Variants in RIMS2 observed in about 807,000 individuals in gnomAD.
The protein encoded by RIMS2 is regulating synaptic membrane exocytosis protein 2.
RIMS2 carries 59 observed loss-of-function variants against 174.4 expected under a neutral mutation model. That is an observed-to-expected ratio of 0.34 (90% confidence interval 0.27 to 0.42). RIMS2 has a LOEUF of 0.42. RIMS2 is among the 10% of genes least tolerant of loss of function. The pLI is 1.00. For synonymous variants in RIMS2, 606 were observed against 572.5 expected (o/e 1.06, Z -0.84); for missense variants, 1,620 against 1,666.3 (o/e 0.97, Z 0.48).
intron 3 of RIMS2, among the ~76,000 whole-genome samples, chr8:103,808,532 T>C (rs1235198777): frequency 6.6e-6 from 1 of 152,164 alleles, no homozygotes; most frequent in Non-Finnish European, 1.5e-5. Context: ...ATTTAATTGC[T>C]TACTTCTCTG....
intron 19 of RIMS2, among the ~76,000 whole-genome samples, chr8:104,029,119 T>G (rs1179354707): frequency 6.6e-6 from 1 of 152,216 alleles, no homozygotes; most frequent in East Asian, 1.9e-4. Flanking sequence ...GAAATGGCAC[T>G]GGAGTAAGTG....
chr8:103,774,521 T>G (rs1304440455), intron 3 of RIMS2, among the ~76,000 whole-genome samples: 1 of 152,180 alleles, frequency 6.6e-6, no homozygotes, highest in East Asian at 1.9e-4. Flanking sequence ...GGGAACTATT[T>G]ACATGCACAA....
intron 19 of RIMS2, among the ~76,000 whole-genome samples, chr8:104,194,434 A>G (rs2099013560): frequency 6.6e-6 from 1 of 152,216 alleles, no homozygotes; most frequent in South Asian, 2.1e-4. Context: ...TAAAGACTGA[A>G]TGTAAAATTA....
chr8:103,737,175 C>CTTTTTTTTTTTTTT (rs554949027), intron 2 of RIMS2, among the ~76,000 whole-genome samples: 5 of 67,510 alleles, frequency 7.4e-5, no homozygotes, highest in Non-Finnish European at 7.7e-5. Flanking sequence ...TTTCTTTGTT[C>CTTTTTTTTTTTTTT]TTTTTTTTTT....
At chr8:103,700,548 C>T (rs2097155664) in intron 2 of RIMS2, among the ~76,000 whole-genome samples, 1 of 151,868 alleles carries the variant, frequency 6.6e-6, no homozygotes, top group Admixed American at 6.6e-5. Context: ...TTATAGCCAG[C>T]ATATAGTTGG....
At chr8:104,191,863 C>A (rs2098999548) in intron 19 of RIMS2, among the ~76,000 whole-genome samples, 1 of 152,036 alleles carries the variant, frequency 6.6e-6, no homozygotes, top group Non-Finnish European at 1.5e-5. Context: ...CTTCAGCCTC[C>A]CAAAGTGCTA....
At chr8:103,787,631 C>A (rs950768394) in intron 3 of RIMS2, among the ~76,000 whole-genome samples, 1 of 152,064 alleles carries the variant, frequency 6.6e-6, no homozygotes, top group African/African-American at 2.4e-5. Flanking sequence ...GGGTTTCTGC[C>A]GAGAGATCTG....
chr8:103,553,367 G>A (rs962901608), intron 1 of RIMS2, among the ~76,000 whole-genome samples: 1 of 151,946 alleles, frequency 6.6e-6, no homozygotes, highest in East Asian at 1.9e-4. Flanking sequence ...AACACTGCAT[G>A]TTCTCACTCA....
intron 17 of RIMS2, among the ~76,000 whole-genome samples, chr8:104,009,609 C>G (rs2095693534): frequency 6.6e-6 from 1 of 152,040 alleles, no homozygotes; most frequent in African/African-American, 2.4e-5. Flanking sequence ...TGCTATTGAT[C>G]AGCTTATTCT....
chr8:103,507,554 AG>A (rs1228032996), intron 1 of RIMS2, among the ~76,000 whole-genome samples: 2 of 152,140 alleles, frequency 1.3e-5, no homozygotes, highest in East Asian at 3.8e-4. Flanking sequence ...TCTTAAAAAA[AG>A]ATTTGCTTAT....
At chr8:103,507,423 G>A (rs184267786) in intron 1 of RIMS2, among the ~76,000 whole-genome samples, 1 of 152,114 alleles carries the variant, frequency 6.6e-6, no homozygotes, top group Admixed American at 6.5e-5. Flanking sequence ...AACTTCTAAT[G>A]TAATACAATG....
intron 3 of RIMS2, among the ~76,000 whole-genome samples, chr8:103,772,078 T>C (rs2098259851): frequency 6.6e-6 from 1 of 152,044 alleles, no homozygotes; most frequent in African/African-American, 2.4e-5. Flanking sequence ...CTCTGTGACA[T>C]TGATTATTTA....
chr8:103,536,025 G>A (rs1839597765), intron 1 of RIMS2, among the ~76,000 whole-genome samples: 1 of 152,188 alleles, frequency 6.6e-6, no homozygotes, highest in African/African-American at 2.4e-5. Context: ...GACACAAGTA[G>A]AGACTATAGC....
chr8:103,580,103 C>T (rs1261706725), intron 1 of RIMS2, among the ~76,000 whole-genome samples: 1 of 151,950 alleles, frequency 6.6e-6, no homozygotes. Flanking sequence ...GTATCAACCA[C>T]TAAAGGACAC....
At chr8:103,618,686 T>G (rs2095561285) in intron 1 of RIMS2, among the ~76,000 whole-genome samples, 1 of 152,138 alleles carries the variant, frequency 6.6e-6, no homozygotes, top group Non-Finnish European at 1.5e-5. Context: ...CTTAGGGGCC[T>G]CTCAATGGTA....
intron 19 of RIMS2, among the ~76,000 whole-genome samples, chr8:104,038,972 T>C (rs960670127): frequency 2.6e-5 from 4 of 151,818 alleles, no homozygotes; most frequent in African/African-American, 9.7e-5. Flanking sequence ...TTGATACTTT[T>C]AGTAGTGAAA....
chr8:104,195,975 T>A (rs1464763498), intron 19 of RIMS2, among the ~76,000 whole-genome samples: 1 of 152,162 alleles, frequency 6.6e-6, no homozygotes, highest in African/African-American at 2.4e-5. Flanking sequence ...GATAAAATGC[T>A]TAGCTCTTTA....
intron 19 of RIMS2, among the ~76,000 whole-genome samples, chr8:104,183,478 A>T (rs2166644): frequency 0.84 from 127,430 of 151,476 alleles, 54,153 homozygotes; most frequent in East Asian, 1. Context: ...ATGTTTAAGG[A>T]TAATAAGATT....
chr8:103,821,857 G>A (rs1040482218), intron 3 of RIMS2, among the ~76,000 whole-genome samples: 3 of 151,478 alleles, frequency 2.0e-5, no homozygotes, highest in African/African-American at 7.3e-5. Flanking sequence ...GCCTGAATAT[G>A]TCATCAAAAG....
Sources: gnomAD v4.1 joint callset for allele counts (sites outside exome capture counted in the v4.1 genomes callset) on GRCh38, gnomAD v4.1.1 for gene constraint, MANE v1.5 for transcripts, NCBI Gene and HGNC (gene_info 2026-07-23, HGNC 2026-07-21) for gene names.